Variants in UBE2D3 observed in about 807,000 individuals in gnomAD.
UBE2D3 encodes ubiquitin conjugating enzyme E2 D3, also known as ubiquitin-conjugating enzyme E2 D3.
In UBE2D3, 2 loss-of-function variants were observed where a neutral mutation model predicts 22.8. That is an observed-to-expected ratio of 0.09 (90% CI 0.04 to 0.28). The LOEUF (loss-of-function observed/expected upper bound fraction) is 0.28. Among genes scored for constraint, UBE2D3 ranks in the 10% least tolerant of loss-of-function variants. The pLI, the probability that UBE2D3 is intolerant of heterozygous loss-of-function variation, is 1.00. For missense variants in UBE2D3, 27 were observed against 182.5 expected, an observed-to-expected ratio of 0.15 and a Z score of 4.91; for synonymous variants, 56 against 60.4, an observed-to-expected ratio of 0.93 and a Z score of 0.34.
chr4:102,811,886 A>G (rs1578241326), intron 2 of UBE2D3: 3 of 372,418 alleles, frequency 8.1e-6, no homozygotes, highest in African/African-American at 2.2e-5. Flanking sequence ...TAAAGCCAGT[A>G]TCAACTGTCT....
rs760204555 is a variant in UBE2D3, at chr4:102,809,713, GA to G, written c.89-11del. On this transcript the variant is annotated splice_polypyrimidine_tract_variant and intron_variant, in intron 3 of 7. Coordinates refer to ENST00000453744, the MANE Select transcript of UBE2D3 (RefSeq NM_181891.3). The stretch of plus-strand genomic sequence containing the variant: ...GCTTGCCAATGAAACACTAGAAAAA[GA>G]AAAAAAACTCTGGTTATCTAAAAAT... The G allele has an allele frequency of 9.9e-6, 16 of 1,610,048 alleles. No homozygotes were observed. Among genetic ancestry groups the G allele is most frequent in the Admixed American group, 3.4e-5 (2 of 59,286 alleles).
At position 102,853,135 on chromosome 4, in the gene UBE2D3, A is replaced by ATCTTTTTTTTTTTT. The variant is rs386626793; in HGVS notation, c.-129+15579_-129+15580insAAAAAAAAAAAAGA. ...GTCAAAATTACACACAAACACACAC[A>ATCTTTTTTTTTTTT]TTTTTTTTTTTTTTTTTTTTTTTTT... On this transcript the variant is annotated intron_variant, in intron 1 of 7. Coordinates refer to the UBE2D3 transcript ENST00000338145. 3.2e-3 allele frequency among the ~76,000 whole-genome samples: 283 copies of ATCTTTTTTTTTTTT among 88,596 alleles called. 73 individuals are homozygous for ATCTTTTTTTTTTTT. Among genetic ancestry groups the ATCTTTTTTTTTTTT allele is most frequent in the Middle Eastern group, 8.9e-3 (1 of 112 alleles). 58.1% of individuals were successfully genotyped at this position (88,596 alleles called of 152,430 possible).
chr4:102,828,910 A>T (rs2110342630), upstream of UBE2D3, among the ~76,000 whole-genome samples: 1 of 152,338 alleles, frequency 6.6e-6, no homozygotes, highest in African/African-American at 2.4e-5. Context: ...AAGGTTTTTT[A>T]ACATTCCTTA....
At chr4:102,868,564 G>C in intron 1 of UBE2D3, 1 of 915,954 alleles carries the variant, frequency 1.1e-6, no homozygotes, top group Non-Finnish European at 1.8e-6. Flanking sequence ...TTTAAGCCTG[G>C]CCTTTGGGTG....
At chr4:102,826,819 TG>T in intron 1 of UBE2D3, 183 bp from the exon 2 acceptor site, 56 of 1,203,254 alleles carry the variant, frequency 4.7e-5, no homozygotes, top group Non-Finnish European at 5.8e-5. Flanking sequence ...GCGGAGGTGG[TG>T]GCTACAAGTT....
At chr4:102,833,131 A>G (rs1233571583) in intron 1 of UBE2D3, among the ~76,000 whole-genome samples, 1 of 148,738 alleles carries the variant, frequency 6.7e-6, no homozygotes, top group Non-Finnish European at 1.5e-5. Flanking sequence ...AACATTGGAA[A>G]CATGTGCTAC....
chr4:102,840,862 C>G (rs1039528765), intron 1 of UBE2D3, among the ~76,000 whole-genome samples: 4 of 151,690 alleles, frequency 2.6e-5, no homozygotes, highest in African/African-American at 9.7e-5. Context: ...CAGTTTGTTA[C>G]AAAAATTAGC....
In UBE2D3 at chr4:102,803,255, T is replaced by C. The variant is rs188478896; in HGVS notation, c.121-617A>G. Reference sequence around the variant, plus strand: ...GAACCAAGATTCAAACACAAGTCTTTTGAAGACCACTTAATGATCAAAGAT... The same window carrying C: ...GAACCAAGATTCAAACACAAGTCTTCTGAAGACCACTTAATGATCAAAGAT... On this transcript the variant is annotated intron_variant, in intron 4 of 7. Transcript: ENST00000453744. Among the ~76,000 whole-genome samples the C allele has an allele frequency of 5.9e-5, 9 of 152,360 alleles. No homozygotes were observed. In the South Asian group the frequency reaches 6.2e-4, roughly 11 times the overall value.
chr4:102,807,727 TAAGTA>T lies in UBE2D3; in HGVS notation c.120+1940_120+1944del, dbSNP rs1191962617. Among the ~76,000 whole-genome samples the T allele has an allele frequency of 3.3e-5, 5 of 152,232 alleles. No individual in the cohort carries two copies. In the East Asian group the frequency reaches 5.8e-4, roughly 18 times the overall value. ...ATGTTTTCTCAAAATAACAGCAAAT[TAAGTA>T]AACTGCTAAAAAATCTGTCAGAATA... On this transcript the variant is annotated intron_variant, in intron 4 of 7. Transcript: ENST00000453744.
At chr4:102,817,704 C>A (rs750653233) in intron 2 of UBE2D3, among the ~76,000 whole-genome samples, 1 of 152,098 alleles carries the variant, frequency 6.6e-6, no homozygotes, top group African/African-American at 2.4e-5. Context: ...TATTTATTTC[C>A]GCATAACCAT....
chr4:102,833,143 T>G (rs1731205295), intron 1 of UBE2D3, among the ~76,000 whole-genome samples: 1 of 126,882 alleles, frequency 7.9e-6, no homozygotes, highest in Non-Finnish European at 1.7e-5. Flanking sequence ...ATGTGCTACA[T>G]GTTTTTTTTT....
At chr4:102,809,293 T>C in intron 4 of UBE2D3, 1 of 240,360 alleles carries the variant, frequency 4.2e-6, no homozygotes, top group Non-Finnish European at 8.7e-6. Flanking sequence ...TATTGGCAGC[T>C]GCAGTAACAG....
intron 1 of UBE2D3, among the ~76,000 whole-genome samples, chr4:102,852,349 G>T (rs1008815304): frequency 1.6e-4 from 25 of 152,168 alleles, no homozygotes; most frequent in Non-Finnish European, 4.4e-5. Flanking sequence ...TTACTGTTTT[G>T]ACCTGAGAGC....
chr4:102,844,786 C>T (rs556872386), intron 1 of UBE2D3, among the ~76,000 whole-genome samples: 1 of 151,908 alleles, frequency 6.6e-6, no homozygotes, highest in Admixed American at 6.6e-5. Flanking sequence ...TTTGGGAGGC[C>T]GAGGTGGGTG....
upstream of UBE2D3, among the ~76,000 whole-genome samples, chr4:102,828,455 C>T (rs771812768): frequency 4.6e-4 from 70 of 152,084 alleles, no homozygotes; most frequent in East Asian, 5.8e-4. Flanking sequence ...GTCTAGTGCA[C>T]GTCTGACCCT....
chr4:102,829,069 A>G (rs1730958692), upstream of UBE2D3, among the ~76,000 whole-genome samples: 1 of 152,234 alleles, frequency 6.6e-6, no homozygotes, highest in Non-Finnish European at 1.5e-5. Context: ...AGTCTAATGT[A>G]TACTGTTCAA....
At chr4:102,826,183 CCTT>C (rs958965026) in intron 2 of UBE2D3, among the ~76,000 whole-genome samples, 13 of 152,080 alleles carry the variant, frequency 8.5e-5, no homozygotes, top group Admixed American at 4.6e-4. Context: ...CAAAAAAACT[CCTT>C]CTTAAGCAGC....
intron 2 of UBE2D3, among the ~76,000 whole-genome samples, chr4:102,816,707 T>C (rs939812730): frequency 6.6e-6 from 1 of 152,200 alleles, no homozygotes; most frequent in Non-Finnish European, 1.5e-5. Flanking sequence ...AGTCTTAAAA[T>C]TGAATTAGGA....
upstream of UBE2D3, chr4:102,827,645 G>A (rs1730798225): frequency 5.1e-6 from 5 of 986,344 alleles, no homozygotes; most frequent in Admixed American, 1.2e-4. Context: ...GCACAAGACC[G>A]ATGTGAGGCC....
Sources: gnomAD v4.1 joint callset for allele counts (sites outside exome capture counted in the v4.1 genomes callset) on GRCh38, gnomAD v4.1.1 for gene constraint, MANE v1.5 for transcripts, NCBI Gene and HGNC (gene_info 2026-07-23, HGNC 2026-07-21) for gene names.